TAFA1: variants seen among roughly 807,000 people sequenced by gnomAD.
TAFA1 encodes the protein chemokine-like protein TAFA-1.
In TAFA1, 4 loss-of-function variants were observed where a neutral mutation model predicts 18.5. That is an observed-to-expected ratio of 0.22 (90% CI 0.11 to 0.49). The LOEUF (loss-of-function observed/expected upper bound fraction) is 0.49. Among genes scored for constraint, TAFA1 ranks in the 20% least tolerant of loss-of-function variants. The probability of loss-of-function intolerance (pLI) is 0.98; values close to 1 mark genes in which losing one functional copy is unlikely to be tolerated. For missense variants in TAFA1, 147 were observed against 169.0 expected (o/e 0.87, Z 0.72); for synonymous variants, 56 against 55.2 (o/e 1.01, Z -0.06).
intron 2 of TAFA1, among the ~76,000 whole-genome samples, chr3:68,313,949 T>G (rs2068563958): frequency 1.3e-5 from 2 of 152,220 alleles, no homozygotes; most frequent in African/African-American, 4.8e-5. Context: ...ACATGTTTGA[T>G]TATAAAAATA....
chr3:68,247,739 G>A lies in TAFA1; in HGVS notation c.119-169541G>A, dbSNP rs562909478. ...TATATATTTTTTAAAACAGCAACAC[G>A]ATTCATGACTCTGTTGCAGAATGTG... On this transcript the variant is annotated intron_variant, in intron 2 of 4. Transcript: ENST00000478136. 10 of 152,306 alleles carry A rather than the reference G, an allele frequency of 6.6e-5. 1 individual carries two copies. The South Asian group carries it at 1.9e-3, about 28-fold the overall frequency. The allele number at this position is 152,306 out of a possible 1,614,324, so 9.4% of individuals were successfully genotyped here.
rs538152426 is a variant in TAFA1, at chr3:68,231,611, C to T, written c.119-185669C>T. On this transcript the variant is annotated intron_variant, in intron 2 of 4. Transcript: ENST00000478136. The stretch of plus-strand genomic sequence containing the variant: ...TCCTGACCTCATGATCCACCCGCCT[C>T]GGCCTCCCAAAGCGCTGGGATTACA... Among the ~76,000 whole-genome samples the T allele has an allele frequency of 5.9e-4, 89 of 152,074 alleles. No homozygotes were observed. In the East Asian group the frequency reaches 9.7e-3, roughly 17 times the overall value.
intron 2 of TAFA1, among the ~76,000 whole-genome samples, chr3:68,248,713 C>G (rs373860946): frequency 2.0e-4 from 1 of 5,072 alleles, no homozygotes; most frequent in African/African-American, 8.3e-4. Flanking sequence ...CTGAGTTTTG[C>G]GGGGTGGGTG....
At chr3:68,110,981 T>C (rs945079263) in intron 2 of TAFA1, among the ~76,000 whole-genome samples, 1 of 151,872 alleles carries the variant, frequency 6.6e-6, no homozygotes, top group Non-Finnish European at 1.5e-5. Context: ...ACAGTAAGAG[T>C]TGTTTGAATG....
intron 3 of TAFA1, among the ~76,000 whole-genome samples, chr3:68,467,097 G>A (rs748492400): frequency 3.4e-4 from 52 of 152,108 alleles, no homozygotes; most frequent in Middle Eastern, 6.8e-3. Context: ...TGTCCTGCCC[G>A]GCCCACAGGC....
chr3:68,086,867 G>T (rs1006702152), intron 2 of TAFA1, among the ~76,000 whole-genome samples: 10 of 152,270 alleles, frequency 6.6e-5, no homozygotes, highest in South Asian at 2.1e-4. Context: ...TTTACAAAAA[G>T]AATCTTTCCC....
At chr3:68,158,946 A>G (rs952201358) in intron 2 of TAFA1, among the ~76,000 whole-genome samples, 8 of 152,226 alleles carry the variant, frequency 5.3e-5, no homozygotes, top group African/African-American at 1.9e-4. Flanking sequence ...GGAAGAAATG[A>G]AATCCCAAAT....
At chr3:68,154,952 G>T (rs1055147698) in intron 2 of TAFA1, among the ~76,000 whole-genome samples, 3 of 152,072 alleles carry the variant, frequency 2.0e-5, no homozygotes, top group Non-Finnish European at 4.4e-5. Flanking sequence ...TTAAAATTTT[G>T]CCATAAATAA....
chr3:68,280,342 C>G (rs1331891687), intron 2 of TAFA1, among the ~76,000 whole-genome samples: 1 of 152,148 alleles, frequency 6.6e-6, no homozygotes. Flanking sequence ...GTTTAACAAC[C>G]CTGGCTGGCA....
chr3:68,176,731 C>A (rs1312292784), intron 2 of TAFA1, among the ~76,000 whole-genome samples: 1 of 152,184 alleles, frequency 6.6e-6, no homozygotes, highest in Non-Finnish European at 1.5e-5. Context: ...TCCTGGGACA[C>A]CCAGGCCACA....
chr3:68,151,288 A>T (rs1575647198), intron 2 of TAFA1, among the ~76,000 whole-genome samples: 1 of 152,184 alleles, frequency 6.6e-6, no homozygotes, highest in Non-Finnish European at 1.5e-5. Flanking sequence ...AAAAATGTTC[A>T]GTGTGAAGGC....
At chr3:68,097,701 G>A (rs760863958) in intron 2 of TAFA1, among the ~76,000 whole-genome samples, 7 of 152,102 alleles carry the variant, frequency 4.6e-5, no homozygotes, top group East Asian at 3.9e-4. Context: ...TGCCCAGTGC[G>A]TGCCTGGGAC....
At chr3:68,263,670 A>G (rs959567844) in intron 2 of TAFA1, among the ~76,000 whole-genome samples, 6 of 152,026 alleles carry the variant, frequency 3.9e-5, no homozygotes, top group Non-Finnish European at 5.9e-5. Flanking sequence ...GGGGGCGGTC[A>G]GGACTCAAAG....
intron 3 of TAFA1, among the ~76,000 whole-genome samples, chr3:68,427,643 G>A (rs1470818095): frequency 6.6e-6 from 1 of 151,482 alleles, no homozygotes; most frequent in Non-Finnish European, 1.5e-5. Flanking sequence ...TTGAATTTTT[G>A]AAAACCTACC....
intron 2 of TAFA1, among the ~76,000 whole-genome samples, chr3:68,357,022 G>T (rs183892588): frequency 6.6e-6 from 1 of 151,988 alleles, no homozygotes; most frequent in East Asian, 1.9e-4. Context: ...AAACCTTTAA[G>T]GTTGATGTCA....
At chr3:68,383,560 A>T (rs2070027281) in intron 2 of TAFA1, among the ~76,000 whole-genome samples, 1 of 152,030 alleles carries the variant, frequency 6.6e-6, no homozygotes. Context: ...AGCTCTTACG[A>T]TGTGCTGCTG....
intron 2 of TAFA1, among the ~76,000 whole-genome samples, chr3:68,326,874 A>G (rs2068784526): frequency 6.6e-6 from 1 of 152,192 alleles, no homozygotes; most frequent in African/African-American, 2.4e-5. Flanking sequence ...GAGTTTGGAC[A>G]TCTTTAAATA....
At chr3:68,331,093 A>G (rs2068859840) in intron 2 of TAFA1, among the ~76,000 whole-genome samples, 1 of 148,186 alleles carries the variant, frequency 6.7e-6, no homozygotes, top group South Asian at 2.3e-4. Flanking sequence ...CATTCAATGA[A>G]ATATTATTCA....
At chr3:68,160,369 A>G (rs761636528) in intron 2 of TAFA1, among the ~76,000 whole-genome samples, 4 of 152,216 alleles carry the variant, frequency 2.6e-5, no homozygotes, top group Admixed American at 6.5e-5. Context: ...GCTGTGTTTC[A>G]ATAAAACTTT....
Sources: allele counts gnomAD v4.1 joint callset (sites outside exome capture counted in the v4.1 genomes callset), GRCh38; gene constraint gnomAD v4.1.1; transcripts MANE v1.5; gene names NCBI Gene and HGNC (gene_info 2026-07-23, HGNC 2026-07-21).